CACNA1E: variants seen among roughly 807,000 people sequenced by gnomAD.
CACNA1E encodes voltage-dependent R-type calcium channel subunit alpha-1E.
CACNA1E carries 40 observed loss-of-function variants against 259.2 expected under a neutral mutation model. The observed-to-expected ratio is 0.15, with a 90% CI of 0.12 to 0.20. The LOEUF is 0.20. CACNA1E is among the 10% of genes least tolerant of loss of function. CACNA1E has a pLI of 1.00. For missense variants in CACNA1E, 1,874 were observed against 3,040.1 expected (o/e 0.62, Z 9.02); for synonymous variants, 1,104 against 1,138.5 (o/e 0.97, Z 0.61).
At chr1:181,478,904 C>T (rs940699153), upstream of CACNA1E, among the ~76,000 whole-genome samples, 2 of 152,216 alleles carry the variant, frequency 1.3e-5, no homozygotes, top group African/African-American at 2.4e-5. Flanking sequence ...TCTGCCTTTT[C>T]CAGAAGAGGC....
rs568210547 is a variant in CACNA1E at position 181,375,350 on chromosome 1, A to G, written c.-14-37783A>G. Reference sequence around the variant, plus strand: ...ATCATGCAGGTACTGGGGATGTGCAATGGACTGATGTTTATGTCCCCCCAA... The same window carrying G: ...ATCATGCAGGTACTGGGGATGTGCAGTGGACTGATGTTTATGTCCCCCCAA... On this transcript the variant is annotated intron_variant, in intron 1 of 11. Coordinates refer to the CACNA1E transcript ENST00000524607. Among the ~76,000 whole-genome samples, 3 of 152,316 alleles carry G rather than the reference A, an allele frequency of 2.0e-5. No individual in the cohort carries two copies. In the South Asian group the frequency reaches 6.2e-4, roughly 32 times the overall value.
chr1:181,676,111 C>T (rs972883151), intron 7 of CACNA1E, among the ~76,000 whole-genome samples: 5 of 152,132 alleles, frequency 3.3e-5, no homozygotes, highest in Non-Finnish European at 7.3e-5. Context: ...TAAGGCTCTT[C>T]TCCCCAGCAA....
At chr1:181,462,198 T>C (rs1039611255) in intron 2 of CACNA1E, among the ~76,000 whole-genome samples, 1 of 152,246 alleles carries the variant, frequency 6.6e-6, no homozygotes, top group Non-Finnish European at 1.5e-5. Flanking sequence ...AATATTCAAA[T>C]GAACAATCCA....
rs149797901 is a variant in CACNA1E at position 181,752,780 on chromosome 1, G to A, written c.3828+541G>A. Among the ~76,000 whole-genome samples the A allele has an allele frequency of 2.5e-4, 38 of 152,342 alleles. No homozygotes were observed. In the East Asian group the frequency reaches 7.1e-3, roughly 29 times the overall value. On this transcript the variant is annotated intron_variant, in intron 27 of 47. Coordinates refer to ENST00000367573, the MANE Select transcript of CACNA1E (RefSeq NM_001205293.3). ...GAGGCAGAGAAGAAATGGGAAGTGA[G>A]CTGACATGAATTAAGTTCTTCCTAT...
chr1:181,786,465 C>T (rs559227680), intron 43 of CACNA1E, among the ~76,000 whole-genome samples: 2 of 152,306 alleles, frequency 1.3e-5, no homozygotes, highest in African/African-American at 4.8e-5. Context: ...AGTGTTTTCA[C>T]TATACCATGT....
rs1413178985 is a variant in CACNA1E at position 181,544,614 on chromosome 1, G to A, written c.512+33104G>A. ...CAAATGGTGGCAGTGGTGGGTTGGT[G>A]CAAGCTGAAAATTTAGATGTAGCTG... On this transcript the variant is annotated intron_variant, in intron 3 of 47. Transcript: ENST00000367573. Among the ~76,000 whole-genome samples, 3 of 152,208 alleles carry A rather than the reference G, an allele frequency of 2.0e-5. No individual in the cohort carries two copies. The East Asian group carries it at 5.8e-4, about 29-fold the overall frequency.
chr1:181,364,572 A>C (rs1262727316), intron 1 of CACNA1E, among the ~76,000 whole-genome samples: 2 of 152,220 alleles, frequency 1.3e-5, no homozygotes, highest in Non-Finnish European at 2.9e-5. Context: ...ATGGTTCAAC[A>C]CAGGGGTTGA....
intron 6 of CACNA1E, among the ~76,000 whole-genome samples, chr1:181,619,224 TA>T (rs1280349124): frequency 1.6e-4 from 25 of 151,536 alleles, no homozygotes; most frequent in African/African-American, 6.1e-4. Flanking sequence ...GGTGTACTTT[TA>T]TATGGGGTAG....
At chr1:181,713,023 C>T (rs1653536007) in intron 8 of CACNA1E, among the ~76,000 whole-genome samples, 1 of 152,214 alleles carries the variant, frequency 6.6e-6, no homozygotes, top group African/African-American at 2.4e-5. Flanking sequence ...TGCTTCCTGG[C>T]CCTTCCCTTT....
At chr1:181,399,944 A>C (rs529853000) in intron 1 of CACNA1E, among the ~76,000 whole-genome samples, 1 of 152,256 alleles carries the variant, frequency 6.6e-6, no homozygotes, top group Non-Finnish European at 1.5e-5. Context: ...AACTGTAAAA[A>C]TTACAGGTGA....
At chr1:181,347,083 A>T (rs1652650728) in intron 1 of CACNA1E, among the ~76,000 whole-genome samples, 1 of 152,066 alleles carries the variant, frequency 6.6e-6, no homozygotes, top group African/African-American at 2.4e-5. Flanking sequence ...TCCTGTTAGC[A>T]CCAAGGAAAT....
chr1:181,335,335 A>G (rs1283941586), intron 1 of CACNA1E, among the ~76,000 whole-genome samples: 1 of 152,210 alleles, frequency 6.6e-6, no homozygotes, highest in East Asian at 1.9e-4. Flanking sequence ...GACTGCACAT[A>G]ATGTCCCAAG....
intron 1 of CACNA1E, among the ~76,000 whole-genome samples, chr1:181,508,532 C>G (rs536790465): frequency 6.6e-6 from 1 of 152,168 alleles, no homozygotes; most frequent in Non-Finnish European, 1.5e-5. Context: ...CCAGGGCAAC[C>G]TAGGCTGTTC....
intron 3 of CACNA1E, among the ~76,000 whole-genome samples, chr1:181,533,369 C>A (rs1249312794): frequency 6.7e-6 from 1 of 149,296 alleles, no homozygotes; most frequent in East Asian, 2.0e-4. Flanking sequence ...CTTCCCAACT[C>A]CACTGAGTGA....
intron 3 of CACNA1E, among the ~76,000 whole-genome samples, chr1:181,554,398 A>G (rs1648510299): frequency 6.6e-6 from 1 of 152,190 alleles, no homozygotes; most frequent in Admixed American, 6.5e-5. Flanking sequence ...TCAATCTACC[A>G]TTGTGTCAGT....
intron 1 of CACNA1E, among the ~76,000 whole-genome samples, chr1:181,507,143 A>T (rs960249944): frequency 2.0e-5 from 3 of 152,208 alleles, no homozygotes; most frequent in Admixed American, 1.3e-4. Context: ...AGAGGAAGTG[A>T]GAATAGGGTC....
intron 38 of CACNA1E, among the ~76,000 whole-genome samples, chr1:181,781,059 A>G (rs1660384665): frequency 1.3e-5 from 2 of 152,168 alleles, no homozygotes; most frequent in Admixed American, 6.5e-5. Flanking sequence ...TGAAGTGAAC[A>G]GGGAAGTCAG....
intron 1 of CACNA1E, among the ~76,000 whole-genome samples, chr1:181,499,853 T>C (rs1456684070): frequency 6.6e-6 from 1 of 152,226 alleles, no homozygotes; most frequent in Non-Finnish European, 1.5e-5. Flanking sequence ...CCTGACTTCC[T>C]TCTGTTTCTT....
At chr1:181,636,921 G>T (rs759758510) in intron 6 of CACNA1E, among the ~76,000 whole-genome samples, 106 of 152,348 alleles carry the variant, frequency 7.0e-4, no homozygotes, top group Admixed American at 2.5e-3. Flanking sequence ...ATGCCCATCA[G>T]CAAAGAGGCT....
Sources: gnomAD v4.1 joint callset for allele counts (sites outside exome capture counted in the v4.1 genomes callset) on GRCh38, gnomAD v4.1.1 for gene constraint, MANE v1.5 for transcripts, NCBI Gene and HGNC (gene_info 2026-07-23, HGNC 2026-07-21) for gene names.